SEMA5A: variants seen among roughly 807,000 people sequenced by gnomAD.
SEMA5A encodes the protein semaphorin 5A.
SEMA5A carries 55 observed loss-of-function variants against 135.5 expected under a neutral mutation model. That is an observed-to-expected ratio of 0.41 (90% confidence interval 0.33 to 0.51). SEMA5A has a LOEUF of 0.51. Ranked by LOEUF, SEMA5A falls within the 20% of genes least tolerant of loss-of-function variation. The pLI is 0.37. For missense variants in SEMA5A, 1,290 were observed against 1,419.9 expected (o/e 0.91, Z 1.47); for synonymous variants, 580 against 546.5 (o/e 1.06, Z -0.85).
chr5:9,081,537 GA>G (rs2150104355), intron 16 of SEMA5A, among the ~76,000 whole-genome samples: 2 of 123,512 alleles, frequency 1.6e-5, no homozygotes, highest in South Asian at 4.8e-4. Flanking sequence ...CTCTCGCTAT[GA>G]TATTTCTCCA....
At chr5:9,362,846 AT>A (rs1315371825) in intron 3 of SEMA5A, among the ~76,000 whole-genome samples, 2 of 152,112 alleles carry the variant, frequency 1.3e-5, no homozygotes, top group Non-Finnish European at 2.9e-5. Context: ...TACAAGTTTC[AT>A]TTTTTTATGT....
intron 3 of SEMA5A, among the ~76,000 whole-genome samples, chr5:9,364,173 T>C (rs1396838971): frequency 6.6e-6 from 1 of 152,206 alleles, no homozygotes; most frequent in East Asian, 1.9e-4. Context: ...ATTATTTTCA[T>C]ATGTTCTTTC....
At chr5:9,467,899 G>C (rs1242204896) in intron 1 of SEMA5A, among the ~76,000 whole-genome samples, 1 of 152,186 alleles carries the variant, frequency 6.6e-6, no homozygotes, top group Admixed American at 6.5e-5. Flanking sequence ...AACACCATTC[G>C]GGGCACTAAA....
At chr5:9,243,544 A>C (rs1748321798) in intron 5 of SEMA5A, among the ~76,000 whole-genome samples, 1 of 152,206 alleles carries the variant, frequency 6.6e-6, no homozygotes, top group South Asian at 2.1e-4. Flanking sequence ...GATTTGGAGA[A>C]ACAATTCATA....
intron 1 of SEMA5A, among the ~76,000 whole-genome samples, chr5:9,464,064 G>A (rs1050457272): frequency 2.0e-5 from 3 of 152,084 alleles, no homozygotes; most frequent in African/African-American, 7.2e-5. Context: ...GTCTGTGCAT[G>A]GTGAGATCCT....
chr5:9,409,905 G>A (rs909909584), intron 2 of SEMA5A, among the ~76,000 whole-genome samples: 3 of 146,446 alleles, frequency 2.0e-5, no homozygotes, highest in South Asian at 4.3e-4. Flanking sequence ...CACCCCCACC[G>A]TTCTCTGGTT....
chr5:9,291,935 G>A (rs1561114610), intron 5 of SEMA5A, among the ~76,000 whole-genome samples: 1 of 152,106 alleles, frequency 6.6e-6, no homozygotes, highest in Non-Finnish European at 1.5e-5. Context: ...AGGATGTCTA[G>A]TCAAGATTCT....
chr5:9,291,266 G>A (rs1232870151), intron 5 of SEMA5A, among the ~76,000 whole-genome samples: 2 of 152,100 alleles, frequency 1.3e-5, no homozygotes, highest in Non-Finnish European at 2.9e-5. Flanking sequence ...TGCACTTCGC[G>A]GATGGTCCCA....
chr5:9,237,182 G>A (rs938095533), intron 6 of SEMA5A, among the ~76,000 whole-genome samples: 1 of 152,026 alleles, frequency 6.6e-6, no homozygotes, highest in Non-Finnish European at 1.5e-5. Context: ...AGCTGCAGAA[G>A]AATTTCCTCA....
chr5:9,131,476 TG>T (rs1258677286), intron 13 of SEMA5A, among the ~76,000 whole-genome samples: 1 of 151,364 alleles, frequency 6.6e-6, no homozygotes, highest in Non-Finnish European at 1.5e-5. Flanking sequence ...GGTGTGGTGG[TG>T]GGCACCTGTA....
intron 2 of SEMA5A, among the ~76,000 whole-genome samples, chr5:9,409,621 A>G (rs978526080): frequency 3.9e-5 from 6 of 152,150 alleles, no homozygotes; most frequent in African/African-American, 1.4e-4. Flanking sequence ...TAACTGATTT[A>G]CTGGCTGACC....
intron 14 of SEMA5A, among the ~76,000 whole-genome samples, chr5:9,119,899 G>GAT (rs1740717968): frequency 6.6e-6 from 1 of 151,676 alleles, no homozygotes; most frequent in Admixed American, 6.6e-5. Context: ...GAGTAATGTA[G>GAT]ATATATAAAA....
At chr5:9,250,154 T>C (rs895126621) in intron 5 of SEMA5A, among the ~76,000 whole-genome samples, 2 of 152,090 alleles carry the variant, frequency 1.3e-5, no homozygotes, top group Admixed American at 6.6e-5. Flanking sequence ...GTAGAGGTCA[T>C]TGCAGGCAAC....
At chr5:9,483,380 G>C (rs1458335678) in intron 1 of SEMA5A, among the ~76,000 whole-genome samples, 2 of 152,068 alleles carry the variant, frequency 1.3e-5, no homozygotes, top group African/African-American at 4.8e-5. Flanking sequence ...TCCAGTCTCT[G>C]TTTGCTAATC....
chr5:9,223,429 G>A (rs1747113547), intron 8 of SEMA5A, among the ~76,000 whole-genome samples: 1 of 152,148 alleles, frequency 6.6e-6, no homozygotes. Flanking sequence ...CCTCCCAGGG[G>A]GTACTGAAAA....
At chr5:9,135,009 G>C (rs1366718780) in intron 13 of SEMA5A, among the ~76,000 whole-genome samples, 2 of 151,968 alleles carry the variant, frequency 1.3e-5, no homozygotes, top group East Asian at 1.9e-4. Context: ...TAATCATGAG[G>C]ACCCACAGCT....
At chr5:9,183,423 A>C (rs1188432514) in intron 11 of SEMA5A, among the ~76,000 whole-genome samples, 1 of 151,874 alleles carries the variant, frequency 6.6e-6, no homozygotes, top group African/African-American at 2.4e-5. Flanking sequence ...GCCATATCCC[A>C]CTCCCAGAAG....
At chr5:9,461,516 C>A (rs1421699168) in intron 1 of SEMA5A, among the ~76,000 whole-genome samples, 2 of 152,140 alleles carry the variant, frequency 1.3e-5, no homozygotes, top group African/African-American at 4.8e-5. Context: ...GTTGACCTGA[C>A]AATAGAATGG....
chr5:9,415,361 C>T (rs577975070), intron 2 of SEMA5A, among the ~76,000 whole-genome samples: 1 of 152,218 alleles, frequency 6.6e-6, no homozygotes, highest in African/African-American at 2.4e-5. Context: ...GATCATTGAA[C>T]ACAGACACAT....
Sources: allele counts gnomAD v4.1 joint callset (sites outside exome capture counted in the v4.1 genomes callset), GRCh38; gene constraint gnomAD v4.1.1; transcripts MANE v1.5; gene names NCBI Gene and HGNC (gene_info 2026-07-23, HGNC 2026-07-21).